Variants in CNTN4 observed in about 807,000 individuals in gnomAD.
CNTN4 encodes the protein contactin 4, also known as contactin-4.
CNTN4 carries 77 observed loss-of-function variants against 122.5 expected under a neutral mutation model. That is an observed-to-expected ratio of 0.63 (90% CI 0.52 to 0.76). The LOEUF (loss-of-function observed/expected upper bound fraction) is 0.76. Ranked by LOEUF, CNTN4 falls within the 30% of genes least tolerant of loss-of-function variation. The probability of loss-of-function intolerance (pLI) is 0.00; values close to 1 mark genes in which losing one functional copy is unlikely to be tolerated. For missense variants in CNTN4, 1,256 were observed against 1,259.1 expected, an observed-to-expected ratio of 1.00 and a Z score of 0.04; for synonymous variants, 512 against 447.0, an observed-to-expected ratio of 1.15 and a Z score of -1.83.
rs533123639 is a variant in CNTN4 at position 2,280,012 on chromosome 3, G to T, written c.-144-59166G>T. Among the ~76,000 whole-genome samples the T allele has an allele frequency of 1.4e-3, 199 of 147,080 alleles. 1 individual carries two copies. The highest frequency in any genetic ancestry group is 2.4e-3 in the Admixed American group (36 of 14,832). On this transcript the variant is annotated intron_variant, in intron 2 of 24. Transcript: ENST00000418658. ...ATAGAGCTAGGTATAGATATATAAA[G>T]GAATATATATCTATATAGTATGTTT...
chr3:2,670,588 T>C (rs1221964483), intron 4 of CNTN4, among the ~76,000 whole-genome samples: 3 of 152,204 alleles, frequency 2.0e-5, no homozygotes, highest in African/African-American at 4.8e-5. Context: ...ATTTAGCCCA[T>C]GTACATCTAA....
intron 7 of CNTN4, among the ~76,000 whole-genome samples, chr3:2,833,422 A>C (rs2093145795): frequency 6.6e-6 from 1 of 151,416 alleles, no homozygotes; most frequent in Non-Finnish European, 1.5e-5. Context: ...ATAAATATAA[A>C]AATTAGGTAG....
At chr3:2,910,976 C>T (rs536352556) in intron 12 of CNTN4, among the ~76,000 whole-genome samples, 7 of 152,296 alleles carry the variant, frequency 4.6e-5, no homozygotes, top group East Asian at 3.9e-4. Context: ...TTATGGCACT[C>T]GCTTGCTGGA....
intron 2 of CNTN4, among the ~76,000 whole-genome samples, chr3:2,146,275 ATTT>A (rs74268581): frequency 6.9e-6 from 1 of 145,614 alleles, no homozygotes; most frequent in African/African-American, 2.5e-5. Flanking sequence ...TGCTGTTAAT[ATTT>A]TTTTTTTTAG....
intron 19 of CNTN4, chr3:3,039,767 C>A: frequency 2.4e-6 from 1 of 415,080 alleles, no homozygotes. Flanking sequence ...TTTTTACAAT[C>A]ATTTCCAACC....
At position 2,282,582 on chromosome 3, in the gene CNTN4, A is replaced by C. The variant is rs191493212; in HGVS notation, c.-144-56596A>C. Among the ~76,000 whole-genome samples the C allele has an allele frequency of 3.5e-4, 53 of 152,304 alleles. 1 individual carries two copies. The highest frequency in any genetic ancestry group is 3.2e-3 in the Admixed American group (49 of 15,294). On this transcript the variant is annotated intron_variant, in intron 2 of 24. Coordinates refer to ENST00000418658, the MANE Select transcript of CNTN4 (RefSeq NM_175607.3). ...TGCAAATGATTTAAGCAAACAAAGC[A>C]AAACTATTCCACTGTCTTTTGAAAT... is the stretch of plus-strand genomic sequence containing the variant.
intron 3 of CNTN4, among the ~76,000 whole-genome samples, chr3:2,382,370 T>A (rs1276366371): frequency 6.6e-6 from 1 of 151,980 alleles, no homozygotes; most frequent in Admixed American, 6.6e-5. Flanking sequence ...TTGGCCAGGC[T>A]GGTCTTGAAC....
At chr3:2,301,488 T>G (rs1487186480) in intron 2 of CNTN4, among the ~76,000 whole-genome samples, 1 of 152,244 alleles carries the variant, frequency 6.6e-6, no homozygotes, top group African/African-American at 2.4e-5. Flanking sequence ...ATATCAAGAA[T>G]AAATCTGTTC....
chr3:2,402,080 C>T (rs1371188839), intron 3 of CNTN4, among the ~76,000 whole-genome samples: 3 of 152,068 alleles, frequency 2.0e-5, no homozygotes, highest in East Asian at 3.9e-4. Flanking sequence ...GTAGATCAAA[C>T]GGGTTGGTTT....
Position 2,530,022 on chromosome 3 carries a change from A to G in CNTN4, c.-88-41394A>G, listed in dbSNP as rs2077538234. Among the ~76,000 whole-genome samples, 4 of 152,226 alleles carry G rather than the reference A, an allele frequency of 2.6e-5. 1 individual carries two copies. The South Asian group carries it at 8.3e-4, about 32-fold the overall frequency. Reference sequence around the variant, plus strand: ...GTGCTTTTTAGATTTCCCTCATGTGATGCTTGGGCTATATCATCACACTTC... The same window carrying G: ...GTGCTTTTTAGATTTCCCTCATGTGGTGCTTGGGCTATATCATCACACTTC... On this transcript the variant is annotated intron_variant, in intron 3 of 24. Coordinates refer to ENST00000418658, the MANE Select transcript of CNTN4 (RefSeq NM_175607.3).
chr3:2,399,249 A>G lies in CNTN4; in HGVS notation c.-89+60016A>G, dbSNP rs140802679. On this transcript the variant is annotated intron_variant, in intron 3 of 24. Transcript: ENST00000418658. ...TAGTTTAGATTCCTTATCACCAGCC[A>G]TGGTAAGCCATAGTAAGCATGTTCA... 2.6e-3 allele frequency among the ~76,000 whole-genome samples: 400 copies of G among 152,154 alleles called. 2 individuals carry two copies. The highest frequency in any genetic ancestry group is 3.5e-3 in the Non-Finnish European group (238 of 67,974).
At chr3:2,171,075 A>G (rs62246971) in intron 2 of CNTN4, among the ~76,000 whole-genome samples, 3,977 of 152,308 alleles carry the variant, frequency 0.026, 60 homozygotes, top group Non-Finnish European at 0.039. Flanking sequence ...ATAGAGGAAG[A>G]TGTTTCTTTA....
intron 2 of CNTN4, among the ~76,000 whole-genome samples, chr3:2,324,886 A>C (rs572685548): frequency 2.0e-5 from 3 of 152,180 alleles, no homozygotes; most frequent in Admixed American, 6.5e-5. Flanking sequence ...GAGATGCTTT[A>C]TTTAGTACTC....
intron 7 of CNTN4, among the ~76,000 whole-genome samples, chr3:2,837,773 A>G (rs1355002649): frequency 2.0e-5 from 3 of 152,192 alleles, no homozygotes; most frequent in Non-Finnish European, 4.4e-5. Flanking sequence ...AGTAAAATGT[A>G]GAGGGAAGAT....
intron 3 of CNTN4, among the ~76,000 whole-genome samples, chr3:2,539,331 C>T (rs1377350840): frequency 6.6e-6 from 1 of 152,054 alleles, no homozygotes; most frequent in Non-Finnish European, 1.5e-5. Flanking sequence ...AATGCTTTCG[C>T]TGTTGATATG....
Position 3,038,980 on chromosome 3 carries a change from T to C in CNTN4, c.2140T>C (p.Ser714Pro), listed in dbSNP as rs777260181. Residue 714 changes from serine (S) to proline (P), a missense_variant, in exon 19 of 25, where the codon TCT (serine) becomes CCT (proline). Physicochemically the swap from Ser to Pro is moderately conservative, Grantham distance 74 (BLOSUM62 -1). Transcript: ENST00000418658. ...TGTCAGTGGTGGCGGAGGCAGCAAA[T>C]CTGAACTGGTTATAACCTGGGAGGT... Reference protein sequence around the residue: ...ANVSGGGGSKSELVITWETVP... With the variant: ...ANVSGGGGSKPELVITWETVP... The C allele has an allele frequency of 1.2e-6, 2 of 1,614,028 alleles. No individual in the cohort carries two copies. The highest frequency in any genetic ancestry group is 1.3e-5 in the African/African-American group (1 of 75,032).
At chr3:2,392,800 A>G (rs1009146198) in intron 3 of CNTN4, among the ~76,000 whole-genome samples, 6 of 152,176 alleles carry the variant, frequency 3.9e-5, no homozygotes, top group Admixed American at 2.0e-4. Flanking sequence ...TACCCATTCT[A>G]TTAGTTTCCT....
intron 3 of CNTN4, among the ~76,000 whole-genome samples, chr3:2,456,471 T>C (rs2049006409): frequency 6.6e-6 from 1 of 152,146 alleles, no homozygotes; most frequent in Non-Finnish European, 1.5e-5. Context: ...AATATTTTCA[T>C]CACCTTCAAA....
At chr3:2,229,198 G>A (rs866473420) in intron 2 of CNTN4, among the ~76,000 whole-genome samples, 8 of 152,246 alleles carry the variant, frequency 5.3e-5, no homozygotes, top group East Asian at 1.9e-4. Context: ...AGAAGTTATC[G>A]ATGTATTTCA....
Sources: allele counts gnomAD v4.1 joint callset (sites outside exome capture counted in the v4.1 genomes callset), GRCh38; gene constraint gnomAD v4.1.1; transcripts MANE v1.5; gene names NCBI Gene and HGNC (gene_info 2026-07-23, HGNC 2026-07-21).